NRG3: variants seen among roughly 807,000 people sequenced by gnomAD.
The protein encoded by NRG3 is neuregulin 3, also known as pro-neuregulin-3, membrane-bound isoform.
Under a neutral mutation model 66.9 loss-of-function variants are expected in NRG3, and 31 were observed. That is an observed-to-expected ratio of 0.46 (90% CI 0.35 to 0.63). The LOEUF (loss-of-function observed/expected upper bound fraction) is 0.63. Ranked by LOEUF, NRG3 falls within the 20% of genes least tolerant of loss-of-function variation. NRG3 has a pLI of 0.00. For synonymous variants in NRG3, 393 were observed against 359.4 expected, an observed-to-expected ratio of 1.09 and a Z score of -1.06; for missense variants, 910 against 878.9, an observed-to-expected ratio of 1.04 and a Z score of -0.45.
At chr10:82,181,571 G>A (rs2073419653) in intron 1 of NRG3, among the ~76,000 whole-genome samples, 1 of 151,612 alleles carries the variant, frequency 6.6e-6, no homozygotes, top group Non-Finnish European at 1.5e-5. Context: ...GAACTTTCTA[G>A]GTTCATTTTG....
chr10:82,796,731 T>TA (rs1284561855), intron 3 of NRG3, among the ~76,000 whole-genome samples: 25 of 151,978 alleles, frequency 1.6e-4, no homozygotes, highest in African/African-American at 6.0e-4. Context: ...TCCTGACCCT[T>TA]CCTCTTTCCT....
chr10:81,945,014 A>G (rs1589550230), intron 1 of NRG3, among the ~76,000 whole-genome samples: 1 of 151,914 alleles, frequency 6.6e-6, no homozygotes, highest in African/African-American at 2.4e-5. Flanking sequence ...CACCCCTGGG[A>G]TGATCTCATT....
At chr10:82,223,642 AACACACAC>A (rs398014296) in intron 1 of NRG3, among the ~76,000 whole-genome samples, 55 of 138,010 alleles carry the variant, frequency 4.0e-4, no homozygotes, top group East Asian at 2.0e-3. Context: ...AACCACCCCA[AACACACAC>A]ACACACACAC....
chr10:81,986,150 G>A (rs1195278030), intron 1 of NRG3, among the ~76,000 whole-genome samples: 5 of 152,122 alleles, frequency 3.3e-5, no homozygotes, highest in Non-Finnish European at 7.4e-5. Context: ...GATGAAGCCA[G>A]GAATTATTTT....
intron 1 of NRG3, among the ~76,000 whole-genome samples, chr10:82,144,378 C>G (rs1397549327): frequency 6.6e-6 from 1 of 152,152 alleles, no homozygotes; most frequent in Non-Finnish European, 1.5e-5. Context: ...CTCCTGCTCT[C>G]TCTTGTGCTC....
At chr10:81,892,569 G>T (rs974219207) in intron 1 of NRG3, among the ~76,000 whole-genome samples, 13 of 152,072 alleles carry the variant, frequency 8.5e-5, no homozygotes, top group African/African-American at 3.1e-4. Context: ...TACGTTGGTT[G>T]GCAAGGGGAT....
At chr10:82,806,621 A>C (rs2061295395) in intron 3 of NRG3, among the ~76,000 whole-genome samples, 1 of 152,174 alleles carries the variant, frequency 6.6e-6, no homozygotes. Flanking sequence ...GTTGTTTCAC[A>C]TTTCTGAGAT....
chr10:82,670,390 C>G (rs1445278421), intron 2 of NRG3, among the ~76,000 whole-genome samples: 1 of 152,196 alleles, frequency 6.6e-6, no homozygotes, highest in East Asian at 1.9e-4. Context: ...GTCCACATTG[C>G]ACAGTAAATT....
intron 4 of NRG3, among the ~76,000 whole-genome samples, chr10:82,891,570 T>C (rs2136124749): frequency 6.6e-6 from 1 of 152,126 alleles, no homozygotes; most frequent in Non-Finnish European, 1.5e-5. Flanking sequence ...AATTTTTAAA[T>C]TTCATTTTAT....
rs57864402 is a variant in NRG3, at chr10:82,802,822, T to C, written c.1028-62589T>C. On this transcript the variant is annotated intron_variant, in intron 3 of 8. Transcript: ENST00000372141. ...CACGCACCACCAAGCCCAGCTAATT[T>C]TCGGTTTTTGATTATTTTTGTTTTG... 8.3e-3 allele frequency among the ~76,000 whole-genome samples: 1,261 copies of C among 152,058 alleles called. 24 individuals carry two copies. The highest frequency in any genetic ancestry group is 0.029 in the African/African-American group (1,215 of 41,486).
At chr10:82,862,916 A>G (rs2135932020) in intron 3 of NRG3, among the ~76,000 whole-genome samples, 1 of 152,288 alleles carries the variant, frequency 6.6e-6, no homozygotes, top group South Asian at 2.1e-4. Context: ...ATAGGTATAC[A>G]TGTACCATGG....
chr10:82,339,858 ATTTC>A (rs915064047), intron 1 of NRG3, among the ~76,000 whole-genome samples: 1 of 151,740 alleles, frequency 6.6e-6, no homozygotes, highest in Admixed American at 6.6e-5. Context: ...TTGATTTAGC[ATTTC>A]TTTATCTTCT....
At chr10:82,080,212 T>G (rs940028476) in intron 1 of NRG3, among the ~76,000 whole-genome samples, 3 of 152,122 alleles carry the variant, frequency 2.0e-5, no homozygotes, top group Admixed American at 1.3e-4. Flanking sequence ...CCTTATACTA[T>G]AAGCATTTGA....
intron 1 of NRG3, among the ~76,000 whole-genome samples, chr10:81,923,199 A>G (rs954968647): frequency 1.3e-5 from 2 of 150,184 alleles, no homozygotes; most frequent in African/African-American, 5.0e-5. Flanking sequence ...CTAACTCACA[A>G]CTCTGATCAG....
intron 4 of NRG3, among the ~76,000 whole-genome samples, chr10:82,883,364 C>G (rs1463244315): frequency 1.3e-5 from 2 of 152,190 alleles, no homozygotes; most frequent in East Asian, 1.9e-4. Flanking sequence ...TTTAGCTGAT[C>G]AGTCTGTATA....
intron 2 of NRG3, among the ~76,000 whole-genome samples, chr10:82,711,923 A>C (rs2056693311): frequency 6.6e-6 from 1 of 152,206 alleles, no homozygotes; most frequent in Non-Finnish European, 1.5e-5. Context: ...CACACATGGA[A>C]ATTGCATTTA....
At chr10:82,651,783 G>A in intron 2 of NRG3, among the ~76,000 whole-genome samples, 1 of 152,204 alleles carries the variant, frequency 6.6e-6, no homozygotes, top group Non-Finnish European at 1.5e-5. Flanking sequence ...ATAGATATAT[G>A]AGGTATATAT....
chr10:82,442,022 T>C (rs538632778), intron 2 of NRG3, among the ~76,000 whole-genome samples: 3 of 152,324 alleles, frequency 2.0e-5, no homozygotes, highest in Non-Finnish European at 4.4e-5. Flanking sequence ...CAAGTTCGAA[T>C]TTCTTCATTT....
chr10:82,689,180 C>A (rs910883783), intron 2 of NRG3, among the ~76,000 whole-genome samples: 5 of 152,070 alleles, frequency 3.3e-5, no homozygotes, highest in African/African-American at 1.2e-4. Flanking sequence ...CTAATACTTA[C>A]AGCTTGATTT....
Sources: gnomAD v4.1 joint callset for allele counts (sites outside exome capture counted in the v4.1 genomes callset) on GRCh38, gnomAD v4.1.1 for gene constraint, MANE v1.5 for transcripts, NCBI Gene and HGNC (gene_info 2026-07-23, HGNC 2026-07-21) for gene names.